Variants in COG6 observed in about 807,000 individuals in gnomAD.
COG6 encodes the protein component of oligomeric golgi complex 6.
Under a neutral mutation model 88.8 loss-of-function variants are expected in COG6, and 74 were observed. The ratio of observed to expected loss-of-function variants is 0.83; its 90% confidence interval spans 0.69 to 1.01. The LOEUF is 1.01. Among genes scored for constraint, COG6 ranks in the 50% least tolerant of loss-of-function variants. The probability of loss-of-function intolerance (pLI) is 0.00; values close to 1 mark genes in which losing one functional copy is unlikely to be tolerated. For synonymous variants in COG6, 286 were observed against 278.7 expected (o/e 1.03, Z -0.26); for missense variants, 800 against 797.9 (o/e 1.00, Z -0.03).
rs151062552 is a variant in COG6 at position 39,683,678 on chromosome 13, G to A, written c.788+1414G>A. ...TCTTTTAGCACTTAAAACATTTGGC[G>A]TTTGATTTTAACAGCTGTTGCATTG... is the stretch of plus-strand genomic sequence containing the variant. On this transcript the variant is annotated intron_variant, in intron 8 of 18. Transcript: ENST00000455146. 3.9e-3 allele frequency among the ~76,000 whole-genome samples: 593 copies of A among 151,286 alleles called. 3 individuals are homozygous for A. Among genetic ancestry groups the A allele is most frequent in the Middle Eastern group, 0.01 (3 of 294 alleles).
At chr13:39,678,266 A>C (rs924080391) in intron 5 of COG6, 16 of 321,170 alleles carry the variant, frequency 5.0e-5, no homozygotes, top group Middle Eastern at 2.2e-3. Context: ...TAGAGATAGG[A>C]TCTCACTGTG....
intron 18 of COG6, among the ~76,000 whole-genome samples, chr13:39,770,132 C>T (rs1881278946): frequency 6.6e-6 from 1 of 152,182 alleles, no homozygotes; most frequent in Non-Finnish European, 1.5e-5. Flanking sequence ...CAGTTCATAT[C>T]ACAAGTGGTA....
At chr13:39,748,675 T>A (rs1880466163) in intron 18 of COG6, among the ~76,000 whole-genome samples, 1 of 151,942 alleles carries the variant, frequency 6.6e-6, no homozygotes, top group African/African-American at 2.4e-5. Flanking sequence ...CTAAACCAGT[T>A]TCTACCATCA....
In COG6 at chr13:39,751,756, G is replaced by C; in HGVS notation, c.*663G>C. On this transcript the variant is annotated 3_prime_UTR_variant, in exon 19 of 19. Coordinates refer to ENST00000455146, the MANE Select transcript of COG6 (RefSeq NM_020751.3). ...CAGCAATAATTAGAAAAAAAGGAGA[G>C]AGAAAAGTGATTTAAACAGGGTGGA... 7.8e-7 allele frequency: 1 copy of C among 1,287,102 alleles called. No individual in the cohort carries two copies. The highest frequency in any genetic ancestry group is 1.0e-6 in the Non-Finnish European group (1 of 988,610). The allele number at this position is 1,287,102 out of a possible 1,614,324, so 79.7% of individuals were successfully genotyped here.
In COG6 at chr13:39,677,481, A is replaced by G; in HGVS notation, c.442A>G (p.Ile148Val). 2 of 1,608,614 alleles carry G rather than the reference A, an allele frequency of 1.2e-6. No individual in the cohort carries two copies. The highest frequency in any genetic ancestry group is 1.7e-6 in the Non-Finnish European group (2 of 1,175,190). Reference protein sequence around the residue: ...KLQSESQKLEIRAQVADAFLS... With the variant: ...KLQSESQKLEVRAQVADAFLS... ...TGAAAATTACAGCCAAAAATTAGAG[A>G]TAAGAGCTCAAGTTGCAGATGCCTT... The change falls in exon 5 of 19, where the codon ATA becomes GTA. Residue 148 changes from isoleucine (I) to valine (V), a missense_variant. Coordinates refer to ENST00000455146, the MANE Select transcript of COG6 (RefSeq NM_020751.3).
intron 3 of COG6, 72 bp downstream of exon 3, chr13:39,660,953 G>A (rs1874860013): frequency 3.4e-6 from 3 of 880,796 alleles, no homozygotes; most frequent in Non-Finnish European, 5.7e-6. Context: ...GACAAAATGT[G>A]TAGATATCTA....
At chr13:39,678,881 T>C (rs999067302) in intron 5 of COG6, among the ~76,000 whole-genome samples, 4 of 151,934 alleles carry the variant, frequency 2.6e-5, no homozygotes, top group African/African-American at 4.8e-5. Flanking sequence ...ATTTGACATA[T>C]CATTTTTTCT....
intron 8 of COG6, among the ~76,000 whole-genome samples, chr13:39,686,841 T>C (rs531172527): frequency 1.3e-5 from 2 of 152,116 alleles, no homozygotes; most frequent in African/African-American, 4.8e-5. Context: ...GTGATCCCCC[T>C]ACCTCAGCCT....
chr13:39,715,500 C>G (rs1878480811), intron 13 of COG6, among the ~76,000 whole-genome samples: 1 of 151,860 alleles, frequency 6.6e-6, no homozygotes, highest in Non-Finnish European at 1.5e-5. Flanking sequence ...GTTTCTATAG[C>G]TGTCTATTTC....
At chr13:39,683,747 TA>T (rs5803004) in intron 8 of COG6, among the ~76,000 whole-genome samples, 36 of 148,604 alleles carry the variant, frequency 2.4e-4, no homozygotes, top group African/African-American at 2.5e-4. Flanking sequence ...TTTTATGTAT[TA>T]AAAAAAAAAA....
chr13:39,754,522 G>C (rs1359838844), downstream of COG6, among the ~76,000 whole-genome samples: 1 of 152,068 alleles, frequency 6.6e-6, no homozygotes, highest in East Asian at 1.9e-4. Flanking sequence ...TAGGTTGTTA[G>C]TACTCTTAAA....
chr13:39,762,891 T>G (rs1183121550), intron 18 of COG6, among the ~76,000 whole-genome samples: 2 of 151,630 alleles, frequency 1.3e-5, no homozygotes, highest in African/African-American at 4.8e-5. Flanking sequence ...AATTCAGATT[T>G]CAGTATCTCA....
chr13:39,780,081 A>T (rs114339630), intron 18 of COG6, among the ~76,000 whole-genome samples: 1,950 of 152,358 alleles, frequency 0.013, 58 homozygotes, highest in African/African-American at 0.044. Context: ...CATTCCAAGA[A>T]CATGTGTCAG....
intron 18 of COG6, among the ~76,000 whole-genome samples, chr13:39,744,096 A>T (rs188621892): frequency 6.6e-6 from 1 of 152,316 alleles, no homozygotes; most frequent in Non-Finnish European, 1.5e-5. Flanking sequence ...TATTGATGGA[A>T]TGTGTCTTAA....
downstream of COG6, among the ~76,000 whole-genome samples, chr13:39,756,545 G>T (rs146231225): frequency 1.6e-3 from 240 of 152,234 alleles, 1 homozygote; most frequent in Middle Eastern, 6.8e-3. Flanking sequence ...CAAGTCGGAT[G>T]AACTAAAAAT....
chr13:39,729,388 G>A (rs912642344), intron 18 of COG6, among the ~76,000 whole-genome samples: 8 of 152,214 alleles, frequency 5.3e-5, no homozygotes, highest in Non-Finnish European at 7.3e-5. Context: ...AAAGGAAACA[G>A]ATGGACAGAT....
intron 4 of COG6, among the ~76,000 whole-genome samples, chr13:39,669,954 ATT>A (rs1875519041): frequency 6.6e-6 from 1 of 152,152 alleles, no homozygotes; most frequent in Admixed American, 6.5e-5. Flanking sequence ...TTGTTTTTTC[ATT>A]TTAAAATATC....
chr13:39,658,868 A>G (rs1874700612), intron 1 of COG6, among the ~76,000 whole-genome samples: 1 of 152,222 alleles, frequency 6.6e-6, no homozygotes, highest in African/African-American at 2.4e-5. Context: ...ATTCTTAAAT[A>G]GATCATTCCA....
At chr13:39,721,659 G>C (rs963994144) in intron 15 of COG6, among the ~76,000 whole-genome samples, 4 of 152,112 alleles carry the variant, frequency 2.6e-5, no homozygotes, top group Non-Finnish European at 4.4e-5. Context: ...CAAAGGTGTG[G>C]ATATGTGAAG....
Sources: allele counts gnomAD v4.1 joint callset (sites outside exome capture counted in the v4.1 genomes callset), GRCh38; gene constraint gnomAD v4.1.1; transcripts MANE v1.5; gene names NCBI Gene and HGNC (gene_info 2026-07-23, HGNC 2026-07-21).